COG3: variants seen among roughly 807,000 people sequenced by gnomAD.
COG3 encodes conserved oligomeric Golgi complex subunit 3.
In COG3, 32 loss-of-function variants were observed where a neutral mutation model predicts 114.1. The observed-to-expected ratio is 0.28, with a 90% CI of 0.21 to 0.38. COG3 has a LOEUF of 0.38. Among genes scored for constraint, COG3 ranks in the 10% least tolerant of loss-of-function variants. COG3 has a pLI of 1.00. For synonymous variants in COG3, 352 were observed against 365.7 expected (o/e 0.96, Z 0.43); for missense variants, 813 against 973.2 (o/e 0.84, Z 2.19).
At chr13:45,524,418 G>A (rs558297081) in intron 19 of COG3, among the ~76,000 whole-genome samples, 4 of 152,240 alleles carry the variant, frequency 2.6e-5, no homozygotes, top group Non-Finnish European at 4.4e-5. Flanking sequence ...ATGACTAGAA[G>A]ATGGTCATTC....
In COG3 at chr13:45,529,807, T is replaced by C. The variant is rs1391543151; in HGVS notation, c.2247T>C (p.Leu749=). The part of the protein sequence containing the change: ...PWAQPAKVND[L]AATAYKTIKT... ...TATTTCCAGCAAAGGTCAATGACCT[T>C]GCGGCAACTGCATATAAGACAATAA... The change falls in exon 21 of 23, where the codon CTT becomes CTC. Residue 749 remains leucine, a synonymous_variant. Transcript: ENST00000349995. 1 of 1,611,492 alleles carries C rather than the reference T, an allele frequency of 6.2e-7. No individual in the cohort carries two copies. The highest frequency in any genetic ancestry group is 1.7e-5 in the Admixed American group (1 of 59,920).
chr13:45,493,346 G>A lies in COG3; in HGVS notation c.1188-1G>A. On this transcript the variant is annotated splice_acceptor_variant, in intron 11 of 22. Transcript: ENST00000349995. LOFTEE classifies it high-confidence loss of function. ...TAGACATTTTTATTCTTTCATTTTA[G>A]TGAGCTTTTGGAGAAACTGTGTGTG... 1 of 1,603,550 alleles carries A rather than the reference G, an allele frequency of 6.2e-7. No homozygotes were observed. Among genetic ancestry groups the A allele is most frequent in the Non-Finnish European group, 8.5e-7 (1 of 1,175,140 alleles).
intron 20 of COG3, among the ~76,000 whole-genome samples, chr13:45,529,213 A>G (rs893067408): frequency 2.6e-5 from 4 of 151,816 alleles, no homozygotes; most frequent in African/African-American, 9.7e-5. Context: ...ACAGATTACT[A>G]CTCTCCTTTT....
At chr13:45,518,702 A>G in intron 17 of COG3, 60 bp from the exon 18 acceptor site, 6 of 1,272,120 alleles carry the variant, frequency 4.7e-6, no homozygotes, top group Non-Finnish European at 6.8e-6. Flanking sequence ...GGTGTATGTT[A>G]CTCATGGCTT....
chr13:45,478,828 T>C (rs1886074181), intron 2 of COG3, among the ~76,000 whole-genome samples, 177 bp from the exon 3 acceptor site: 1 of 152,230 alleles, frequency 6.6e-6, no homozygotes, highest in African/African-American at 2.4e-5. Context: ...TTTCCTAGCA[T>C]ATGGGTATTG....
chr13:45,483,834 A>G (rs1285495880), intron 7 of COG3, among the ~76,000 whole-genome samples: 1 of 152,130 alleles, frequency 6.6e-6, no homozygotes, highest in East Asian at 1.9e-4. Context: ...TTTAGCAAAC[A>G]TTTTTATTGA....
intron 16 of COG3, among the ~76,000 whole-genome samples, chr13:45,514,157 CTT>C (rs57033822): frequency 1.1e-5 from 1 of 93,852 alleles, no homozygotes; most frequent in Non-Finnish European, 2.0e-5. Context: ...TGTCCTCTCT[CTT>C]TTTTTTTTTT....
rs145502116 is a variant in COG3, at chr13:45,533,012, G to A, written c.2458-1690G>A. ...AGGGTGGGGCCTTTGTGAGACACAC[G>A]GGGGTTCAGTCATGGTAACAGGAGG... On this transcript the variant is annotated intron_variant, in intron 22 of 22. Coordinates refer to ENST00000349995, the MANE Select transcript of COG3 (RefSeq NM_031431.4). Among the ~76,000 whole-genome samples, 159 of 152,152 alleles carry A rather than the reference G, an allele frequency of 1.0e-3. 2 individuals carry two copies. The highest frequency in any genetic ancestry group is 3.6e-3 in the African/African-American group (149 of 41,494).
intron 16 of COG3, among the ~76,000 whole-genome samples, chr13:45,514,157 CTTTTTTTTTT>C (rs57033822): frequency 1.1e-5 from 1 of 93,858 alleles, no homozygotes; most frequent in Non-Finnish European, 2.0e-5. Context: ...TGTCCTCTCT[CTTTTTTTTTT>C]TTTTTTTTTT....
intron 20 of COG3, among the ~76,000 whole-genome samples, chr13:45,528,014 T>G (rs1422297391): frequency 6.6e-6 from 1 of 152,116 alleles, no homozygotes; most frequent in East Asian, 1.9e-4. Flanking sequence ...ATGTTTACAT[T>G]TAATGAAACA....
chr13:45,494,655 G>A (rs1868522692), intron 12 of COG3, among the ~76,000 whole-genome samples: 1 of 151,882 alleles, frequency 6.6e-6, no homozygotes, highest in African/African-American at 2.4e-5. Context: ...CTCTTGAGGA[G>A]CTGAGACTAC....
chr13:45,515,341 C>T (rs1415302697), intron 16 of COG3, among the ~76,000 whole-genome samples: 1 of 152,104 alleles, frequency 6.6e-6, no homozygotes, highest in African/African-American at 2.4e-5. Flanking sequence ...ATATTGCTTA[C>T]TGAAAGATAA....
At chr13:45,482,232 T>C (rs1219366237) in intron 5 of COG3, 149 bp from the exon 6 acceptor site, 3 of 514,628 alleles carry the variant, frequency 5.8e-6, no homozygotes, top group African/African-American at 4.0e-5. Flanking sequence ...ACATGTGGGC[T>C]ACATTCGAGG....
intron 1 of COG3, among the ~76,000 whole-genome samples, chr13:45,469,229 C>G (rs913524515): frequency 6.6e-6 from 1 of 152,138 alleles, no homozygotes; most frequent in Non-Finnish European, 1.5e-5. Flanking sequence ...TATTTACTCA[C>G]ATCTAGGTTA....
At chr13:45,509,138 C>T (rs1870570160) in intron 14 of COG3, among the ~76,000 whole-genome samples, 1 of 151,612 alleles carries the variant, frequency 6.6e-6, no homozygotes. Context: ...CTCCCAGGTT[C>T]AAGCGATTTT....
intron 16 of COG3, among the ~76,000 whole-genome samples, chr13:45,514,440 A>T (rs2985975): frequency 1.3e-5 from 2 of 152,168 alleles, no homozygotes; most frequent in Admixed American, 1.3e-4. Flanking sequence ...GGATTACAGG[A>T]GTGAGCCACT....
intron 14 of COG3, among the ~76,000 whole-genome samples, chr13:45,507,972 G>A (rs1870362592): frequency 6.9e-6 from 1 of 145,700 alleles, no homozygotes; most frequent in Non-Finnish European, 1.5e-5. Flanking sequence ...AGGAGGCTGA[G>A]GCAGAAGAAT....
rs560984919 is a variant in COG3, at chr13:45,469,936, A to C, written c.174+4726A>C. ...TCATTTTACCCTCAAATTCTTTAGA[A>C]AAACTCTCAAATTATAAACATTGGT... On this transcript the variant is annotated intron_variant, in intron 1 of 22. Coordinates refer to ENST00000349995, the MANE Select transcript of COG3 (RefSeq NM_031431.4). 1.8e-4 allele frequency among the ~76,000 whole-genome samples: 27 copies of C among 152,322 alleles called. No individual in the cohort carries two copies. The South Asian group carries it at 5.6e-3, about 32-fold the overall frequency.
intron 1 of COG3, among the ~76,000 whole-genome samples, chr13:45,466,817 A>C (rs1412852913): frequency 6.6e-6 from 1 of 152,220 alleles, no homozygotes; most frequent in Admixed American, 6.5e-5. Flanking sequence ...AACTAAATGG[A>C]ATCTTTCATT....
Sources: gnomAD v4.1 joint callset for allele counts (sites outside exome capture counted in the v4.1 genomes callset) on GRCh38, gnomAD v4.1.1 for gene constraint, MANE v1.5 for transcripts, NCBI Gene and HGNC (gene_info 2026-07-23, HGNC 2026-07-21) for gene names.